Variants in HK1 observed in about 807,000 individuals in gnomAD.
HK1 encodes hexokinase-1.
HK1 carries 28 observed loss-of-function variants against 91.6 expected under a neutral mutation model. The observed-to-expected ratio is 0.31, with a 90% CI of 0.23 to 0.42. The LOEUF (loss-of-function observed/expected upper bound fraction) is 0.42. Among genes scored for constraint, HK1 ranks in the 10% least tolerant of loss-of-function variants. HK1 has a pLI of 1.00. For synonymous variants in HK1, 430 were observed against 468.1 expected, an observed-to-expected ratio of 0.92 and a Z score of 1.05; for missense variants, 770 against 1,219.8, an observed-to-expected ratio of 0.63 and a Z score of 5.49.
intron 1 of HK1, among the ~76,000 whole-genome samples, chr10:69,339,697 C>T (rs368082576): frequency 6.6e-5 from 10 of 152,320 alleles, no homozygotes; most frequent in African/African-American, 2.4e-4. Context: ...GGCAGGATAG[C>T]TGTGGAGTTA....
chr10:69,354,937 T>TG (rs1317732239), intron 2 of HK1, among the ~76,000 whole-genome samples: 2 of 151,828 alleles, frequency 1.3e-5, no homozygotes, highest in Non-Finnish European at 2.9e-5. Context: ...AGCATGGTGG[T>TG]GGACACCTGT....
chr10:69,326,823 G>A (rs1422963018), intron 1 of HK1, among the ~76,000 whole-genome samples: 1 of 152,016 alleles, frequency 6.6e-6, no homozygotes, highest in African/African-American at 2.4e-5. Context: ...GGTGACCTCT[G>A]TCCTGAATTT....
chr10:69,360,388 G>A (rs913785891), intron 3 of HK1, among the ~76,000 whole-genome samples: 9 of 152,070 alleles, frequency 5.9e-5, no homozygotes, highest in Non-Finnish European at 1.3e-4. Flanking sequence ...TGCAGGTTTA[G>A]CAGAGCCCTG....
chr10:69,286,983 C>G lies in HK1; in HGVS notation c.-214-1688C>G, dbSNP rs377412075. ...CTCTCCATATCATTTTGGTTATGCA[C>G]TCCATCAGTAAAATATTTTTGTAGA... On this transcript the variant is annotated intron_variant, in intron 2 of 21. Transcript: ENST00000360289. Among the ~76,000 whole-genome samples, 125 of 152,240 alleles carry G rather than the reference C, an allele frequency of 8.2e-4. 3 individuals are homozygous for G. In the South Asian group the frequency reaches 0.025, roughly 30 times the overall value.
Position 69,277,542 on chromosome 10 carries a change from C to T in HK1, c.-390-4987C>T, listed in dbSNP as rs534773110. ...ATGATCATGCCACTGCACTCCAGCC[C>T]GGGCGACAGAGTAAGACCCTGTGTC... On this transcript the variant is annotated intron_variant, in intron 1 of 21. Coordinates refer to the HK1 transcript ENST00000360289. 7.2e-5 allele frequency among the ~76,000 whole-genome samples: 11 copies of T among 151,980 alleles called. No homozygotes were observed. In the South Asian group the frequency reaches 1.3e-3, roughly 17 times the overall value.
intron 2 of HK1, among the ~76,000 whole-genome samples, chr10:69,287,184 G>C (rs2132448741): frequency 6.6e-6 from 1 of 152,346 alleles, no homozygotes; most frequent in East Asian, 1.9e-4. Context: ...AGCATGGCTA[G>C]AGAGGCCTCA....
At position 69,368,571 on chromosome 10, in the gene HK1, G is replaced by A. The variant is rs370998274; in HGVS notation, c.531G>A (p.Ala177=). ...TCACCTGGACAAAGCGATTTAAAGC[G>A]AGCGGAGTGGAAGGAGCAGATGTGG... ...ILITWTKRFK[A]SGVEGADVVK... is the part of the protein sequence containing the mutation. Residue 177 remains alanine (A), a synonymous_variant, in exon 5 of 18, where the codon GCG becomes GCA. Transcript: ENST00000359426. 175 of 1,614,102 alleles carry A rather than the reference G, an allele frequency of 1.1e-4. 1 individual carries two copies. The highest frequency in any genetic ancestry group is 1.4e-4 in the Non-Finnish European group (161 of 1,180,046).
At chr10:69,331,695 C>T (rs1477132416) in intron 1 of HK1, among the ~76,000 whole-genome samples, 1 of 151,660 alleles carries the variant, frequency 6.6e-6, no homozygotes, top group Non-Finnish European at 1.5e-5. Flanking sequence ...GGCAATATAG[C>T]GAGACCTCAT....
chr10:69,395,839 T>C (rs1196909020), intron 16 of HK1, among the ~76,000 whole-genome samples: 1 of 152,188 alleles, frequency 6.6e-6, no homozygotes, highest in South Asian at 2.1e-4. Context: ...ACTTTTCTCC[T>C]GTCCAGGGTA....
intron 2 of HK1, among the ~76,000 whole-genome samples, chr10:69,285,133 C>T (rs1844960098): frequency 1.3e-5 from 2 of 151,112 alleles, no homozygotes; most frequent in Non-Finnish European, 2.9e-5. Flanking sequence ...GATCCTATTC[C>T]TTAAAAAAAC....
At chr10:69,368,941 C>T (rs1257907208) in intron 5 of HK1, among the ~76,000 whole-genome samples, 1 of 152,128 alleles carries the variant, frequency 6.6e-6, no homozygotes, top group African/African-American at 2.4e-5. Context: ...CAGAGGAGCC[C>T]GCCTTATCGG....
At chr10:69,302,747 C>T (rs1164431242) in intron 5 of HK1, among the ~76,000 whole-genome samples, 1 of 85,258 alleles carries the variant, frequency 1.2e-5, no homozygotes, top group Non-Finnish European at 2.4e-5. Context: ...AACTATGGGA[C>T]CCTGTCTCAA....
chr10:69,288,278 G>C (rs1845125512), intron 2 of HK1, among the ~76,000 whole-genome samples: 1 of 152,136 alleles, frequency 6.6e-6, no homozygotes, highest in South Asian at 2.1e-4. Flanking sequence ...ACCACTTCCA[G>C]ACCAGGCTCC....
chr10:69,361,887 A>G (rs548146351), intron 3 of HK1, among the ~76,000 whole-genome samples: 138 of 152,090 alleles, frequency 9.1e-4, no homozygotes, highest in Non-Finnish European at 1.4e-3. Context: ...GCGCGATCTC[A>G]GCTCACCACA....
At chr10:69,372,517 T>A (rs183656217) in intron 7 of HK1, among the ~76,000 whole-genome samples, 5 of 152,248 alleles carry the variant, frequency 3.3e-5, no homozygotes, top group African/African-American at 1.2e-4. Context: ...GGGAAAGACG[T>A]TTGCTCCATT....
intron 3 of HK1, among the ~76,000 whole-genome samples, chr10:69,295,368 T>C (rs1367922074): frequency 6.6e-6 from 1 of 152,202 alleles, no homozygotes; most frequent in African/African-American, 2.4e-5. Flanking sequence ...CATCTTGGAC[T>C]CTCCAGCTTC....
intron 5 of HK1, among the ~76,000 whole-genome samples, chr10:69,306,853 G>A (rs544885435): frequency 5.4e-4 from 83 of 152,306 alleles, no homozygotes; most frequent in African/African-American, 1.9e-3. Context: ...GGACAAAATG[G>A]GAGGTGTTTT....
chr10:69,280,660 G>T (rs564681951), intron 1 of HK1, among the ~76,000 whole-genome samples: 1 of 152,168 alleles, frequency 6.6e-6, no homozygotes, highest in Admixed American at 6.5e-5. Flanking sequence ...CAGTGAGGAC[G>T]GAGTAAGAAG....
chr10:69,337,465 T>C (rs1564522534), intron 1 of HK1, among the ~76,000 whole-genome samples: 1 of 152,236 alleles, frequency 6.6e-6, no homozygotes, highest in African/African-American at 2.4e-5. Flanking sequence ...ATTTCACTTC[T>C]TTCTACACAG....
Sources: allele counts gnomAD v4.1 joint callset (sites outside exome capture counted in the v4.1 genomes callset), GRCh38; gene constraint gnomAD v4.1.1; transcripts MANE v1.5; gene names NCBI Gene and HGNC (gene_info 2026-07-23, HGNC 2026-07-21).